NDST1: variants seen among roughly 807,000 people sequenced by gnomAD.
The protein encoded by NDST1 is bifunctional heparan sulfate N-deacetylase/N-sulfotransferase 1.
Under a neutral mutation model 92.8 loss-of-function variants are expected in NDST1, and 35 were observed. The ratio of observed to expected loss-of-function variants is 0.38; its 90% CI spans 0.29 to 0.50. NDST1 has a LOEUF of 0.50. Ranked by LOEUF, NDST1 falls within the 20% of genes least tolerant of loss-of-function variation. NDST1 has a pLI of 0.94. For synonymous variants in NDST1, 493 were observed against 500.3 expected, an observed-to-expected ratio of 0.99 and a Z score of 0.19; for missense variants, 822 against 1,182.7, an observed-to-expected ratio of 0.69 and a Z score of 4.47.
chr5:150,500,953 A>C (rs1476216831), intron 1 of NDST1, among the ~76,000 whole-genome samples: 1 of 152,166 alleles, frequency 6.6e-6, no homozygotes. Flanking sequence ...CAGATCATCT[A>C]GCTGGGACAA....
chr5:150,549,883 T>A (rs1668155651), intron 13 of NDST1, 96 bp downstream of exon 13: 1 of 715,870 alleles, frequency 1.4e-6, no homozygotes, highest in Non-Finnish European at 2.4e-6. Context: ...AGAGAGAAGT[T>A]AGTTAGAGTC....
intron 1 of NDST1, among the ~76,000 whole-genome samples, chr5:150,515,631 A>G (rs973959281): frequency 6.6e-6 from 1 of 152,168 alleles, no homozygotes; most frequent in African/African-American, 2.4e-5. Flanking sequence ...AAAAGCCTCA[A>G]TGCTTCCCCG....
chr5:150,519,760 C>G (rs949622900), intron 1 of NDST1, among the ~76,000 whole-genome samples: 1 of 151,936 alleles, frequency 6.6e-6, no homozygotes, highest in African/African-American at 2.4e-5. Flanking sequence ...GACTTCATTA[C>G]TATTTAAGGG....
rs189110318 is a variant in NDST1 at position 150,536,759 on chromosome 5, T to G, written c.1437+874T>G. ...TTTGTATTTTTAGTTGAGACAGGGT[T>G]TCTCCATGTTGGTCAGGCTGGTCTC... is the stretch of plus-strand genomic sequence containing the variant. On this transcript the variant is annotated intron_variant, in intron 6 of 14. Coordinates refer to ENST00000261797, the MANE Select transcript of NDST1 (RefSeq NM_001543.5). Among the ~76,000 whole-genome samples the G allele has an allele frequency of 2.6e-5, 4 of 152,266 alleles. No homozygotes were observed. In the East Asian group the frequency reaches 7.7e-4, roughly 29 times the overall value.
Position 150,542,764 on chromosome 5 carries a change from C to T in NDST1, c.1847-84C>T, listed in dbSNP as rs73274404. 6.6e-3 allele frequency: 10,421 copies of T among 1,572,486 alleles called. 606 individuals are homozygous for T. In the African/African-American group the frequency reaches 0.12, roughly 19 times the overall value. On this transcript the variant is annotated intron_variant, in intron 9 of 14. Coordinates refer to ENST00000261797, the MANE Select transcript of NDST1 (RefSeq NM_001543.5). ...ACCTTCCCAGGAGCCCCCAGTGGGT[C>T]GTGGGGAGCTAGGCCCAGAACCCAG...
chr5:150,511,553 G>C (rs78272653), intron 1 of NDST1, among the ~76,000 whole-genome samples: 2 of 152,168 alleles, frequency 1.3e-5, no homozygotes, highest in African/African-American at 4.8e-5. Context: ...CAAGCCAGGA[G>C]GTCCTTTCCT....
intron 3 of NDST1, among the ~76,000 whole-genome samples, chr5:150,529,796 A>G (rs1239918131): frequency 6.6e-6 from 1 of 152,228 alleles, no homozygotes; most frequent in Non-Finnish European, 1.5e-5. Flanking sequence ...GAGGCTTTAA[A>G]AAGAGACTTG....
chr5:150,523,048 G>A (rs190439104), intron 2 of NDST1, among the ~76,000 whole-genome samples: 93 of 152,332 alleles, frequency 6.1e-4, no homozygotes, highest in African/African-American at 2.1e-3. Context: ...CTGTCTCCTG[G>A]AGGGCTTCTC....
chr5:150,515,376 A>G (rs1753910123), intron 1 of NDST1, among the ~76,000 whole-genome samples: 2 of 152,226 alleles, frequency 1.3e-5, no homozygotes, highest in Non-Finnish European at 2.9e-5. Context: ...TTAAAGAAAA[A>G]TACTGTGCAA....
At chr5:150,524,369 G>T (rs552404755) in intron 2 of NDST1, among the ~76,000 whole-genome samples, 1 of 152,346 alleles carries the variant, frequency 6.6e-6, no homozygotes, top group East Asian at 1.9e-4. Context: ...TGACCAATGT[G>T]TGCCCCTGTG....
intron 9 of NDST1, 37 bp downstream of exon 9, chr5:150,541,703 G>C: frequency 1.3e-6 from 2 of 1,583,656 alleles, no homozygotes; most frequent in Non-Finnish European, 1.7e-6. Context: ...TTCCCCAACT[G>C]CCTGCTGTCT....
chr5:150,545,991 C>CTT lies in NDST1; in HGVS notation c.2145+528_2145+529dup, dbSNP rs34937690. On this transcript the variant is annotated intron_variant, in intron 11 of 14. Transcript: ENST00000261797. ...TGGGGCATGTATGAACCAGAGCTGT[C>CTT]TTTTTTTTTTTTTTTTTTTTTTTTG... Among the ~76,000 whole-genome samples, 635 of 83,618 alleles carry CTT rather than the reference C, an allele frequency of 7.6e-3. 15 individuals are homozygous for CTT. Among genetic ancestry groups the CTT allele is most frequent in the East Asian group, 0.019 (46 of 2,466 alleles). 54.9% of individuals were successfully genotyped at this position (83,618 alleles called of 152,430 possible). A position where few individuals can be genotyped will look rare whatever the true frequency, so the allele number is the denominator to read the frequency against.
chr5:150,500,006 C>T (rs969590467), intron 1 of NDST1, among the ~76,000 whole-genome samples: 7 of 152,212 alleles, frequency 4.6e-5, no homozygotes, highest in African/African-American at 1.4e-4. Flanking sequence ...TCTGTGCTTT[C>T]TCCTCCTAGA....
intron 3 of NDST1, among the ~76,000 whole-genome samples, chr5:150,531,326 G>A (rs1426821495): frequency 6.6e-6 from 1 of 152,098 alleles, no homozygotes; most frequent in East Asian, 1.9e-4. Flanking sequence ...TGAGGCTCAG[G>A]GAGTTGAGGT....
At chr5:150,533,169 G>A (rs763347517) in intron 4 of NDST1, 137 bp downstream of exon 4, 109 of 862,812 alleles carry the variant, frequency 1.3e-4, no homozygotes, top group Middle Eastern at 9.0e-4. Context: ...CTCTGCCCCC[G>A]TGGAGCCAAC....
chr5:150,545,796 G>A (rs1252103014), intron 11 of NDST1, among the ~76,000 whole-genome samples: 1 of 152,194 alleles, frequency 6.6e-6, no homozygotes, highest in African/African-American at 2.4e-5. Flanking sequence ...GAACAGCAAT[G>A]CAGGATCATA....
intron 2 of NDST1, among the ~76,000 whole-genome samples, chr5:150,522,550 G>A (rs972377497): frequency 1.3e-5 from 2 of 152,170 alleles, no homozygotes; most frequent in African/African-American, 2.4e-5. Flanking sequence ...ATGCTTTGGA[G>A]GTGGCAGGGA....
chr5:150,551,834 A>G lies in NDST1; in HGVS notation c.2508A>G (p.Lys836=). ...TKCLGKSKGR[K]YPEMDLDSRA... ...GTCTGGGCAAAAGCAAGGGCCGGAA[A>G]TATCCCGAGATGGACTTGGATGTAA... The change falls in exon 14 of 15, where the codon AAA becomes AAG. Residue 836 remains lysine, a synonymous_variant. Transcript: ENST00000261797. 1 of 1,613,532 alleles carries G rather than the reference A, an allele frequency of 6.2e-7. No individual in the cohort carries two copies. The highest frequency in any genetic ancestry group is 8.5e-7 in the Non-Finnish European group (1 of 1,179,502).
rs3776838 is a variant in NDST1 at position 150,545,071 on chromosome 5, C to G, written c.1971-241C>G. ...TGCAACTGCCGGCGCACCCACAAGT[C>G]TTCAGATCCTCCCAACTCCAGAGTC... On this transcript the variant is annotated intron_variant, in intron 10 of 14. Coordinates refer to ENST00000261797, the MANE Select transcript of NDST1 (RefSeq NM_001543.5). Among the ~76,000 whole-genome samples, 48 of 152,338 alleles carry G rather than the reference C, an allele frequency of 3.2e-4. No homozygotes were observed. In the East Asian group the frequency reaches 9.3e-3, roughly 29 times the overall value.
Sources: gnomAD v4.1 joint callset for allele counts (sites outside exome capture counted in the v4.1 genomes callset) on GRCh38, gnomAD v4.1.1 for gene constraint, MANE v1.5 for transcripts, NCBI Gene and HGNC (gene_info 2026-07-23, HGNC 2026-07-21) for gene names.